KLF12: variants seen among roughly 807,000 people sequenced by gnomAD.
The protein encoded by KLF12 is KLF transcription factor 12.
Under a neutral mutation model 37.8 loss-of-function variants are expected in KLF12, and 9 were observed. That is an observed-to-expected ratio of 0.24 (90% confidence interval 0.14 to 0.42). KLF12 has a LOEUF of 0.42. Ranked by LOEUF, KLF12 falls within the 10% of genes least tolerant of loss-of-function variation. The pLI is 1.00. For synonymous variants in KLF12, 208 were observed against 202.1 expected (o/e 1.03, Z -0.25); for missense variants, 411 against 516.0 (o/e 0.80, Z 1.97).
At chr13:73,786,885 G>A (rs1357013482) in intron 5 of KLF12, among the ~76,000 whole-genome samples, 5 of 151,924 alleles carry the variant, frequency 3.3e-5, no homozygotes, top group African/African-American at 7.3e-5. Context: ...TGATCACACC[G>A]CTGCACTCTA....
At chr13:74,176,202 G>A in the KLF12 span, among the ~76,000 whole-genome samples, 9 of 152,250 alleles carry the variant, frequency 5.9e-5, no homozygotes, top group South Asian at 1.7e-3. Flanking sequence ...GTGATATGGA[G>A]GGGGAGAGAA....
At chr13:74,151,787 C>A in the KLF12 span, among the ~76,000 whole-genome samples, 1 of 152,078 alleles carries the variant, frequency 6.6e-6, no homozygotes, top group Non-Finnish European at 1.5e-5. Flanking sequence ...ACAGAAGTAA[C>A]CTATCTGCAA....
At chr13:74,202,402 C>G in the KLF12 span, among the ~76,000 whole-genome samples, 31 of 152,160 alleles carry the variant, frequency 2.0e-4, no homozygotes, top group Non-Finnish European at 2.8e-4. Flanking sequence ...AACCTGCAAA[C>G]AAACTCACAC....
At chr13:73,709,203 T>C (rs1161125178) in intron 7 of KLF12, among the ~76,000 whole-genome samples, 1 of 152,200 alleles carries the variant, frequency 6.6e-6, no homozygotes, top group Non-Finnish European at 1.5e-5. Flanking sequence ...TTCAAATACC[T>C]ACAAATATGT....
intron 2 of KLF12, among the ~76,000 whole-genome samples, chr13:73,957,955 AAG>A (rs1243184649): frequency 2.6e-5 from 4 of 152,316 alleles, no homozygotes; most frequent in Admixed American, 2.6e-4. Flanking sequence ...ACAGGAATAA[AAG>A]AGGGAATTGG....
the KLF12 span, among the ~76,000 whole-genome samples, chr13:74,292,372 A>T: frequency 6.6e-6 from 1 of 152,152 alleles, no homozygotes; most frequent in Non-Finnish European, 1.5e-5. Context: ...GGGTGGGAAG[A>T]TTGTGAGAAT....
chr13:74,204,853 T>C, the KLF12 span, among the ~76,000 whole-genome samples: 1 of 152,140 alleles, frequency 6.6e-6, no homozygotes, highest in South Asian at 2.1e-4. Flanking sequence ...GAGGGTTGTA[T>C]AGCATCTTCC....
the KLF12 span, among the ~76,000 whole-genome samples, chr13:74,185,829 A>G: frequency 6.6e-6 from 1 of 152,054 alleles, no homozygotes; most frequent in African/African-American, 2.4e-5. Context: ...TTTTTAATAG[A>G]GACGGGGTTT....
intron 6 of KLF12, among the ~76,000 whole-genome samples, chr13:73,747,921 T>C (rs1878481878): frequency 1.3e-5 from 2 of 152,202 alleles, no homozygotes; most frequent in Non-Finnish European, 2.9e-5. Context: ...GAGAAATAAA[T>C]AAAATGGTAT....
At chr13:73,741,948 A>C (rs894139116) in intron 6 of KLF12, among the ~76,000 whole-genome samples, 3 of 152,184 alleles carry the variant, frequency 2.0e-5, no homozygotes, top group Non-Finnish European at 4.4e-5. Flanking sequence ...GTCATCTGCT[A>C]TGCATACAAC....
intron 1 of KLF12, among the ~76,000 whole-genome samples, chr13:74,125,188 C>CAT (rs1177568008): frequency 6.6e-6 from 1 of 150,486 alleles, no homozygotes; most frequent in Non-Finnish European, 1.5e-5. Context: ...CACACACACA[C>CAT]AGTTTATATT....
In KLF12 at chr13:73,882,769, G is replaced by A. The variant is rs553223741; in HGVS notation, c.124-36396C>T. Among the ~76,000 whole-genome samples the A allele has an allele frequency of 1.9e-3, 285 of 152,214 alleles. 1 individual carries two copies. The highest frequency in any genetic ancestry group is 6.6e-3 in the African/African-American group (276 of 41,548). On this transcript the variant is annotated intron_variant, in intron 3 of 7. Transcript: ENST00000377669. ...CTTAAAAACATTACAAAAGAATTAC[G>A]AATATTTCAAACCAGAAGCAATACA...
chr13:74,051,484 A>G (rs764245811), intron 1 of KLF12, among the ~76,000 whole-genome samples: 11 of 152,156 alleles, frequency 7.2e-5, no homozygotes, highest in Non-Finnish European at 1.3e-4. Flanking sequence ...GGCATGAAAC[A>G]GGAAGAAGAG....
At chr13:73,716,067 T>C (rs944817263) in intron 6 of KLF12, among the ~76,000 whole-genome samples, 2 of 152,234 alleles carry the variant, frequency 1.3e-5, no homozygotes, top group African/African-American at 2.4e-5. Flanking sequence ...AAGCTATTTC[T>C]GTTTGGTGAA....
the KLF12 span, chr13:74,259,202 G>C: frequency 1.3e-5 from 2 of 152,178 alleles, no homozygotes; most frequent in Admixed American, 1.3e-4. Context: ...AGGGGATTTG[G>C]GCAGGGCACC....
At chr13:73,820,467 C>T (rs534333246) in intron 4 of KLF12, among the ~76,000 whole-genome samples, 9 of 152,262 alleles carry the variant, frequency 5.9e-5, no homozygotes, top group African/African-American at 1.4e-4. Flanking sequence ...ACTCAAAGGA[C>T]GGTGAACTCC....
At chr13:73,932,849 A>G (rs985498753) in intron 3 of KLF12, among the ~76,000 whole-genome samples, 1 of 152,168 alleles carries the variant, frequency 6.6e-6, no homozygotes, top group Non-Finnish European at 1.5e-5. Flanking sequence ...TACTGAACAA[A>G]AACTTTTCAC....
the KLF12 span, among the ~76,000 whole-genome samples, chr13:74,260,150 A>T: frequency 3.9e-5 from 6 of 152,146 alleles, no homozygotes; most frequent in Non-Finnish European, 8.8e-5. Flanking sequence ...ACACACACAC[A>T]TGCACACACG....
chr13:73,875,661 G>A (rs1287192811), intron 3 of KLF12, among the ~76,000 whole-genome samples: 1 of 152,000 alleles, frequency 6.6e-6, no homozygotes, highest in African/African-American at 2.4e-5. Flanking sequence ...AGCTTTTCCT[G>A]CTTGACAAAA....
Sources: gnomAD v4.1 joint callset for allele counts (sites outside exome capture counted in the v4.1 genomes callset) on GRCh38, gnomAD v4.1.1 for gene constraint, MANE v1.5 for transcripts, NCBI Gene and HGNC (gene_info 2026-07-23, HGNC 2026-07-21) for gene names.